Variants in TNFAIP3 observed in about 807,000 individuals in gnomAD.
TNFAIP3 encodes tumor necrosis factor alpha-induced protein 3.
A neutral mutation model predicts 72.4 loss-of-function variants in TNFAIP3; 9 were observed. The observed-to-expected ratio is 0.12, with a 90% confidence interval of 0.07 to 0.22. The LOEUF (loss-of-function observed/expected upper bound fraction) is 0.22, where lower values mean the gene tolerates loss of function less well. TNFAIP3 is among the 10% of genes least tolerant of loss of function. The pLI is 1.00. For missense variants in TNFAIP3, 833 were observed against 1,018.7 expected, an observed-to-expected ratio of 0.82 and a Z score of 2.48; for synonymous variants, 339 against 372.6, an observed-to-expected ratio of 0.91 and a Z score of 1.04.
chr6:137,878,460 A>G lies in TNFAIP3; in HGVS notation c.1015A>G (p.Ile339Val). The change falls in exon 7 of 9, where the codon ATC (isoleucine) becomes GTC (valine). Residue 339 changes from isoleucine (I) to valine (V), a missense_variant. Ile to Val is a conservative substitution (Grantham distance 29, BLOSUM62 3). Around this residue, in one of 2 missense-constraint regions of TNFAIP3, gnomAD observed 587 missense variants for 657.8 expected, o/e 0.89. Coordinates refer to ENST00000612899, the MANE Select transcript of TNFAIP3 (RefSeq NM_001270508.2). ...KLDEANLPKEINLVDDYFELV... is the reference protein window; with the variant it reads ...KLDEANLPKEVNLVDDYFELV... ...GGATGAAGCTAACTTACCAAAAGAAATCAATCTGGTAGATGATTACTTTGA... is the reference window on the plus strand; with the variant it reads ...GGATGAAGCTAACTTACCAAAAGAAGTCAATCTGGTAGATGATTACTTTGA... The G allele has an allele frequency of 6.2e-7, 1 of 1,609,790 alleles. No individual in the cohort carries two copies. Among genetic ancestry groups the G allele is most frequent in the Non-Finnish European group, 8.5e-7 (1 of 1,176,374 alleles).
Position 137,874,826 on chromosome 6 carries a change from T to G in TNFAIP3, c.296-19T>G, listed in dbSNP as rs889343747. On this transcript the variant is annotated intron_variant, in intron 2 of 8. Coordinates refer to ENST00000612899, the MANE Select transcript of TNFAIP3 (RefSeq NM_001270508.2). Reference sequence around the variant, plus strand: ...AGATAACTTGACTTTCCTTCTCTTCTCCTCCTTTCTGTCCTCAGGTGACGG... The same window carrying G: ...AGATAACTTGACTTTCCTTCTCTTCGCCTCCTTTCTGTCCTCAGGTGACGG... The G allele has an allele frequency of 4.0e-6, 1 of 247,200 alleles. No individual in the cohort carries two copies. The highest frequency in any genetic ancestry group is 6.7e-6 in the Non-Finnish European group (1 of 148,508). The allele number at this position is 247,200 out of a possible 1,614,324, so 15.3% of individuals were successfully genotyped here.
intron 2 of TNFAIP3, among the ~76,000 whole-genome samples, chr6:137,874,357 T>G (rs1776160253): frequency 6.6e-6 from 1 of 152,194 alleles, no homozygotes; most frequent in African/African-American, 2.4e-5. Context: ...AGCCAGACCA[T>G]CCCTATCTAG....
intron 3 of TNFAIP3, among the ~76,000 whole-genome samples, chr6:137,875,438 G>A (rs1776212548): frequency 6.6e-6 from 1 of 151,258 alleles, no homozygotes; most frequent in Admixed American, 6.6e-5. Context: ...TACCTCATCA[G>A]GGATTTTTTT....
chr6:137,872,895 G>C (rs1776108396), intron 2 of TNFAIP3, among the ~76,000 whole-genome samples: 2 of 152,004 alleles, frequency 1.3e-5, no homozygotes, highest in South Asian at 4.2e-4. Flanking sequence ...GTGGTAGAAA[G>C]AGGAACACCT....
At chr6:137,878,109 A>G (rs138172764) in intron 6 of TNFAIP3, among the ~76,000 whole-genome samples, 1 of 152,376 alleles carries the variant, frequency 6.6e-6, no homozygotes, top group African/African-American at 2.4e-5. Flanking sequence ...TGGAAAGTCA[A>G]CTGATTTTTC....
chr6:137,877,902 T>C (rs1582892247), intron 6 of TNFAIP3, among the ~76,000 whole-genome samples: 1 of 150,922 alleles, frequency 6.6e-6, no homozygotes, highest in African/African-American at 2.5e-5. Context: ...CAACAGTAAA[T>C]AGACAAGCGC....
Position 137,881,098 on chromosome 6 carries a change from C to T in TNFAIP3, c.2152C>T (p.Arg718Trp), listed in dbSNP as rs1400896020. ...TQSTSRPKCA[R>W]ASCKNILACR... ...AAGCACCTCAAGGCCCAAGTGCGCC[C>T]GGGCCTCCTGCAAGAACATCCTGGC... The change falls in exon 9 of 9, where the codon CGG (arginine) becomes TGG (tryptophan). Residue 718 changes from arginine (R) to tryptophan (W), a missense_variant. This residue lies in a region of TNFAIP3 where 587 missense variants were observed against 657.8 expected (regional missense o/e 0.89). Transcript: ENST00000612899. The surrounding 1 kb of genome is among the most constrained non-coding windows in gnomAD (Gnocchi z 5.0). The T allele has an allele frequency of 4.3e-6, 7 of 1,613,778 alleles. No individual in the cohort carries two copies. The highest frequency in any genetic ancestry group is 3.3e-5 in the Admixed American group (2 of 59,990).
rs1776458894 is a variant in TNFAIP3 at position 137,881,396 on chromosome 6, C to T, written c.*77C>T. The T allele has an allele frequency of 7.6e-7, 1 of 1,321,000 alleles. No homozygotes were observed. The highest frequency in any genetic ancestry group is 2.3e-5 in the Admixed American group (1 of 42,922). The allele number at this position is 1,321,000 out of a possible 1,614,324, so 81.8% of individuals were successfully genotyped here. On this transcript the variant is annotated 3_prime_UTR_variant, in exon 9 of 9. Transcript: ENST00000612899. This position sits in a 1 kb window ranked among gnomAD's most constrained non-coding sequence, Gnocchi z 5.0. Reference sequence around the variant, plus strand: ...TCATCATGGTGCTATCCTCTGAACCCCTCAGCTGCCACTGCAACAGTGGGC... The same window carrying T: ...TCATCATGGTGCTATCCTCTGAACCTCTCAGCTGCCACTGCAACAGTGGGC...
Position 137,882,517 on chromosome 6 carries a change from A to G in TNFAIP3, c.*1198A>G, listed in dbSNP as rs920675923. The G allele has an allele frequency of 2.2e-5, 5 of 232,218 alleles. No homozygotes were observed. The highest frequency in any genetic ancestry group is 1.1e-4 in the African/African-American group (5 of 45,268). The allele number at this position is 232,218 out of a possible 1,614,324, so 14.4% of individuals were successfully genotyped here. On this transcript the variant is annotated 3_prime_UTR_variant, in exon 9 of 9. Transcript: ENST00000612899. ...GGAATTGCATCCAAGGTATACATACATATTCATCGATGTTTCGTGCTTCTC... is the reference window on the plus strand; with the variant it reads ...GGAATTGCATCCAAGGTATACATACGTATTCATCGATGTTTCGTGCTTCTC...
At position 137,878,842 on chromosome 6, in the gene TNFAIP3, G is replaced by T. The variant is rs779050923; in HGVS notation, c.1397G>T (p.Ser466Ile). 8.1e-6 allele frequency: 13 copies of T among 1,614,176 alleles called. No homozygotes were observed. The East Asian group carries it at 2.9e-4, about 36-fold the overall frequency. Residue 466 changes from serine (S) to isoleucine (I), a missense_variant, in exon 7 of 9, where the codon AGC (serine) becomes ATC (isoleucine). Physicochemically the swap from Ser to Ile is moderately radical, Grantham distance 142. Around this residue, in one of 2 missense-constraint regions of TNFAIP3, gnomAD observed 587 missense variants for 657.8 expected, o/e 0.89. Transcript: ENST00000612899. ...GPHSAPPTAP[S>I]PFLFSETTAM... ...CATTCGGCCCCACCGACAGCACCCA[G>T]CCCTTTTCTGTTCAGTGAGACCACT...
At chr6:137,867,073 G>A (rs1187870141), upstream of TNFAIP3, 1 of 149,766 alleles carries the variant, frequency 6.7e-6, no homozygotes, top group Non-Finnish European at 1.5e-5. The surrounding 1 kb of genome is among the most constrained non-coding windows in gnomAD (Gnocchi z 6.0). Context: ...AGGGAAAGGG[G>A]GCGGGGCGGG....
At chr6:137,869,840 T>C (rs1775998268) in intron 1 of TNFAIP3, among the ~76,000 whole-genome samples, 2 of 152,234 alleles carry the variant, frequency 1.3e-5, no homozygotes, top group African/African-American at 2.4e-5. Context: ...ACTGTGAAAT[T>C]TCCTAGGGAA....
In TNFAIP3 at chr6:137,879,105, A is replaced by G. The variant is rs1289164642; in HGVS notation, c.1660A>G (p.Ser554Gly). The G allele has an allele frequency of 1.2e-6, 2 of 1,614,138 alleles. No individual in the cohort carries two copies. The highest frequency in any genetic ancestry group is 2.2e-5 in the East Asian group (1 of 44,878). Residue 554 changes from serine to glycine, a missense_variant, in exon 7 of 9, where the codon AGC becomes GGC. By Grantham distance (56) the Ser-to-Gly change is moderately conservative. Coordinates refer to ENST00000612899, the MANE Select transcript of TNFAIP3 (RefSeq NM_001270508.2). Reference protein sequence around the residue: ...TAEASSSLSTSLPPSCHQRSK... With the variant: ...TAEASSSLSTGLPPSCHQRSK... ...AGAGGCCTCCTCCAGCCTCAGCACC[A>G]GCCTCCCTCCTTCCTGTCACCAGCG...
chr6:137,878,542 A>T lies in TNFAIP3; in HGVS notation c.1097A>T (p.Glu366Val). 1 of 1,614,236 alleles carries T rather than the reference A, an allele frequency of 6.2e-7. No homozygotes were observed. Among genetic ancestry groups the T allele is most frequent in the Non-Finnish European group, 8.5e-7 (1 of 1,180,040 alleles). Residue 366 changes from glutamate to valine, a missense_variant, in exon 7 of 9, where the codon GAG becomes GTG. By Grantham distance (121) the Glu-to-Val change is moderately radical. Around this residue, in one of 2 missense-constraint regions of TNFAIP3, gnomAD observed 587 missense variants for 657.8 expected, o/e 0.89. Transcript: ENST00000612899. ...WQENSEQGRR[E>V]GHAQNPMEPS... is the part of the protein sequence containing the mutation. ...GAAAACAGCGAGCAGGGGAGGAGAG[A>T]GGGGCACGCCCAGAATCCCATGGAA... is the stretch of plus-strand genomic sequence containing the variant.
intron 2 of TNFAIP3, among the ~76,000 whole-genome samples, chr6:137,872,039 C>A (rs940256036): frequency 6.6e-6 from 1 of 152,206 alleles, no homozygotes; most frequent in African/African-American, 2.4e-5. Context: ...GTCTCCTCCT[C>A]CTCTCTGACC....
chr6:137,873,081 C>T (rs1776115302), intron 2 of TNFAIP3, among the ~76,000 whole-genome samples: 1 of 152,112 alleles, frequency 6.6e-6, no homozygotes, highest in Non-Finnish European at 1.5e-5. Context: ...ATTTTGGTAA[C>T]ATTTTCTGGG....
intron 1 of TNFAIP3, among the ~76,000 whole-genome samples, chr6:137,869,862 TC>T (rs1489928612): frequency 3.9e-5 from 6 of 152,236 alleles, no homozygotes; most frequent in African/African-American, 1.4e-4. Context: ...GTCTTTGTGC[TC>T]TGAAAACTTC....
intron 1 of TNFAIP3, among the ~76,000 whole-genome samples, chr6:137,869,934 A>C (rs1178904842): frequency 6.6e-6 from 1 of 152,236 alleles, no homozygotes; most frequent in Non-Finnish European, 1.5e-5. Context: ...AGTAAATCAC[A>C]GCTGGCTTTT....
At chr6:137,879,455 G>C in intron 7 of TNFAIP3, 104 bp downstream of exon 7, 1 of 1,340,158 alleles carries the variant, frequency 7.5e-7, no homozygotes, top group Non-Finnish European at 1.0e-6. Context: ...AGGCAGAACT[G>C]TCAGGACCTA....
Sources: gnomAD v4.1 joint callset for allele counts (sites outside exome capture counted in the v4.1 genomes callset) on GRCh38, gnomAD v4.1.1 for gene constraint, gnomAD v4.1.1 regional missense constraint, Gnocchi (gnomAD v3.1) non-coding constraint, MANE v1.5 for transcripts, NCBI Gene and HGNC (gene_info 2026-07-23, HGNC 2026-07-21) for gene names.